The following MAPK10 variants were observed in gnomAD, a reference collection of about 807,000 sequenced individuals.
MAPK10 encodes the protein mitogen-activated protein kinase 10.
In MAPK10, 25 loss-of-function variants were observed where a neutral mutation model predicts 59.3. The observed-to-expected ratio is 0.42, with a 90% CI of 0.31 to 0.59. The LOEUF is 0.59. MAPK10 is among the 20% of genes least tolerant of loss of function. The pLI is 0.15. For synonymous variants in MAPK10, 190 were observed against 200.5 expected (o/e 0.95, Z 0.44); for missense variants, 351 against 568.9 (o/e 0.62, Z 3.90).
intron 2 of MAPK10, among the ~76,000 whole-genome samples, chr4:86,210,898 GA>G (rs1459944481): frequency 1.3e-5 from 2 of 149,442 alleles, no homozygotes; most frequent in South Asian, 2.1e-4. Flanking sequence ...TCCTAAAAAG[GA>G]AAAAAAAGAA....
intron 2 of MAPK10, among the ~76,000 whole-genome samples, chr4:86,195,911 C>T (rs529940171): frequency 3.3e-4 from 50 of 152,224 alleles, no homozygotes; most frequent in Admixed American, 2.2e-3. Flanking sequence ...ATCCTCTTTA[C>T]GGATGCATAG....
chr4:86,271,430 A>G (rs1410484751), intron 2 of MAPK10, among the ~76,000 whole-genome samples: 1 of 151,994 alleles, frequency 6.6e-6, no homozygotes, highest in Non-Finnish European at 1.5e-5. Flanking sequence ...TTTTATTTTA[A>G]GAAAACTTTA....
At chr4:86,502,483 C>G (rs1308097586) in intron 1 of MAPK10, among the ~76,000 whole-genome samples, 1 of 151,964 alleles carries the variant, frequency 6.6e-6, no homozygotes, top group African/African-American at 2.4e-5. Context: ...TTCTCTTGAC[C>G]ATTCCTTTGA....
chr4:86,209,171 A>C (rs952478393), intron 2 of MAPK10, among the ~76,000 whole-genome samples: 9 of 152,254 alleles, frequency 5.9e-5, no homozygotes, highest in Admixed American at 3.9e-4. Flanking sequence ...TTAACAACCT[A>C]CCATGAGAGA....
chr4:86,542,977 T>C (rs972374997), intron 1 of MAPK10, among the ~76,000 whole-genome samples: 1 of 152,142 alleles, frequency 6.6e-6, no homozygotes, highest in Non-Finnish European at 1.5e-5. Context: ...GGGGGGCACC[T>C]TGAGCACACT....
At chr4:86,343,928 A>G (rs1115229) in intron 2 of MAPK10, among the ~76,000 whole-genome samples, 111,148 of 152,144 alleles carry the variant, frequency 0.73, 41,205 homozygotes, top group South Asian at 0.9. Flanking sequence ...GTTTACAATC[A>G]TTGATTTTTA....
At position 86,101,984 on chromosome 4, in the gene MAPK10, C is replaced by T. The variant is rs778378375; in HGVS notation, c.474G>A (p.Gln158=). Residue 158 remains glutamine (Q), a synonymous_variant, in exon 7 of 14, where the codon CAG becomes CAA. Coordinates refer to ENST00000641462, the MANE Select transcript of MAPK10 (RefSeq NM_138982.4). ...LMDANLCQVI[Q]MELDHERMSY... is the part of the protein sequence containing the mutation. ...ACATTCGCTCATGGTCTAATTCCAT[C>T]TGAATCACTTGACATAAGTTGGCAT... is the stretch of plus-strand genomic sequence containing the variant. 3.6e-5 allele frequency: 58 copies of T among 1,613,902 alleles called. No individual in the cohort carries two copies. In the Middle Eastern group the frequency reaches 8.2e-4, roughly 23 times the overall value.
At chr4:86,162,078 G>A (rs147146232) in intron 3 of MAPK10, among the ~76,000 whole-genome samples, 1 of 151,718 alleles carries the variant, frequency 6.6e-6, no homozygotes, top group African/African-American at 2.4e-5. Flanking sequence ...CATATTATTT[G>A]CCAAATACTA....
chr4:86,265,718 C>A (rs1424896103), intron 2 of MAPK10, among the ~76,000 whole-genome samples: 1 of 152,104 alleles, frequency 6.6e-6, no homozygotes, highest in Non-Finnish European at 1.5e-5. Context: ...CTTAGGGTCC[C>A]ATTTAACCCC....
At chr4:86,361,014 G>C (rs1410447991), upstream of MAPK10, among the ~76,000 whole-genome samples, 1 of 152,120 alleles carries the variant, frequency 6.6e-6, no homozygotes, top group Non-Finnish European at 1.5e-5. Context: ...CTCTTTTGAG[G>C]TGGGTTTCTG....
chr4:86,118,584 A>T (rs1443247004), intron 4 of MAPK10, among the ~76,000 whole-genome samples: 1 of 10,610 alleles, frequency 9.4e-5, no homozygotes, highest in Non-Finnish European at 2.9e-4. Context: ...ACACATACAC[A>T]CACACACACA....
chr4:86,525,993 G>C (rs1349269319), intron 1 of MAPK10, among the ~76,000 whole-genome samples: 1 of 140,782 alleles, frequency 7.1e-6, no homozygotes, highest in African/African-American at 2.5e-5. Context: ...GAGGATTTTT[G>C]CATCTCTCTT....
intron 1 of MAPK10, among the ~76,000 whole-genome samples, chr4:86,382,048 C>G (rs1315368259): frequency 6.6e-6 from 1 of 152,122 alleles, no homozygotes; most frequent in African/African-American, 2.4e-5. Context: ...CAGGGCTATC[C>G]TGAGCACTGT....
At chr4:86,386,148 G>A (rs998186526) in intron 1 of MAPK10, among the ~76,000 whole-genome samples, 1 of 152,102 alleles carries the variant, frequency 6.6e-6, no homozygotes, top group African/African-American at 2.4e-5. Flanking sequence ...AAATGGGGGG[G>A]AATCATGTCT....
At position 86,015,023 on chromosome 4, in the gene MAPK10, A is replaced by AG. The variant is rs923644270; in HGVS notation, c.*2204_*2205insC. 6.6e-6 allele frequency: 1 copy of AG among 151,974 alleles called. No homozygotes were observed. The highest frequency in any genetic ancestry group is 2.4e-5 in the African/African-American group (1 of 41,364). The allele number at this position is 151,974 out of a possible 1,614,324, so 9.4% of individuals were successfully genotyped here. On this transcript the variant is annotated 3_prime_UTR_variant, in exon 14 of 14. Coordinates refer to ENST00000641462, the MANE Select transcript of MAPK10 (RefSeq NM_138982.4). ...GAGAAGTTTTTAAAAAAAAAAAAAA[A>AG]AAACAGGAATATGAAAGAGAGGGAG... is the stretch of plus-strand genomic sequence containing the variant.
In MAPK10 at chr4:86,012,514, T is replaced by A. The variant is rs1247648110; in HGVS notation, c.*4714A>T. 1 of 152,136 alleles carries A rather than the reference T, an allele frequency of 6.6e-6. No homozygotes were observed. Among genetic ancestry groups the A allele is most frequent in the African/African-American group, 2.4e-5 (1 of 41,378 alleles). 9.4% of individuals were successfully genotyped at this position (152,136 alleles called of 1,614,324 possible). On this transcript the variant is annotated 3_prime_UTR_variant, in exon 14 of 14. Coordinates refer to ENST00000641462, the MANE Select transcript of MAPK10 (RefSeq NM_138982.4). ...TTGAGAGAAGCAGATTTCCTCTGAT[T>A]TTAATAATCCATAAGAAACAGAAAT...
intron 2 of MAPK10, among the ~76,000 whole-genome samples, chr4:86,249,710 A>G (rs1488234128): frequency 6.6e-6 from 1 of 152,212 alleles, no homozygotes; most frequent in Non-Finnish European, 1.5e-5. Flanking sequence ...ACCACTGCCA[A>G]CAAAAGGTGA....
At chr4:86,215,589 C>T (rs149791788) in intron 2 of MAPK10, among the ~76,000 whole-genome samples, 12,933 of 152,266 alleles carry the variant, frequency 0.085, 1,218 homozygotes, top group African/African-American at 0.23. Flanking sequence ...TGGCAGGGCA[C>T]AGTGGCTCAT....
intron 2 of MAPK10, 88 bp from the exon 3 acceptor site, chr4:86,194,495 A>G: frequency 1.3e-6 from 1 of 794,168 alleles, no homozygotes; most frequent in Non-Finnish European, 2.2e-6. Flanking sequence ...TTTGAGTTAT[A>G]TGCAAAGTAC....
Sources: gnomAD v4.1 joint callset for allele counts (sites outside exome capture counted in the v4.1 genomes callset) on GRCh38, gnomAD v4.1.1 for gene constraint, MANE v1.5 for transcripts, NCBI Gene and HGNC (gene_info 2026-07-23, HGNC 2026-07-21) for gene names.